The following MEP1B variants were observed in gnomAD, a reference collection of about 807,000 sequenced individuals.
The protein encoded by MEP1B is N-benzoyl-L-tyrosyl-P-amino-benzoic acid hydrolase subunit beta.
A neutral mutation model predicts 84.6 loss-of-function variants in MEP1B; 80 were observed. That is an observed-to-expected ratio of 0.95 (90% CI 0.79 to 1.14). The LOEUF is 1.14. MEP1B is among the 50% of genes most tolerant of loss of function. The probability of loss-of-function intolerance (pLI) is 0.00; values close to 1 mark genes in which losing one functional copy is unlikely to be tolerated. For missense variants in MEP1B, 766 were observed against 855.1 expected, an observed-to-expected ratio of 0.90 and a Z score of 1.30; for synonymous variants, 273 against 288.1, an observed-to-expected ratio of 0.95 and a Z score of 0.53.
chr18:32,209,676 T>A lies in MEP1B; in HGVS notation c.920-825T>A, dbSNP rs57859035. On this transcript the variant is annotated intron_variant, in intron 9 of 14. Transcript: ENST00000269202. ...ATTACAAGTATCATTTTAAAAATAT[T>A]AAAATGTGAATCTCCCCAGATGGTT... Among the ~76,000 whole-genome samples the A allele has an allele frequency of 4.3e-3, 630 of 146,898 alleles. 9 individuals carry two copies. The highest frequency in any genetic ancestry group is 0.015 in the African/African-American group (593 of 39,434).
chr18:32,207,811 C>A (rs73956825), intron 8 of MEP1B, among the ~76,000 whole-genome samples: 219 of 152,282 alleles, frequency 1.4e-3, no homozygotes, highest in African/African-American at 5.1e-3. Flanking sequence ...TGAATGGGAT[C>A]AAATAATCTG....
intron 9 of MEP1B, 117 bp from the exon 10 acceptor site, chr18:32,210,384 C>T (rs926776019): frequency 2.0e-5 from 16 of 817,890 alleles, no homozygotes; most frequent in East Asian, 8.1e-5. Context: ...TTCTCCCTGG[C>T]GATTTATATA....
rs767693229 is a variant in MEP1B at position 32,215,038 on chromosome 18, C to T, written c.1580-44C>T. On this transcript the variant is annotated intron_variant, in intron 11 of 14. Transcript: ENST00000269202. ...TGTTCTTTCCTACCACCAAAAGCTACGATGATGATAAACACACTCCATTAA... is the reference window on the plus strand; with the variant it reads ...TGTTCTTTCCTACCACCAAAAGCTATGATGATGATAAACACACTCCATTAA... 1.8e-5 allele frequency: 25 copies of T among 1,400,540 alleles called. No homozygotes were observed. In the African/African-American group the frequency reaches 2.3e-4, roughly 13 times the overall value. 86.8% of individuals were successfully genotyped at this position (1,400,540 alleles called of 1,614,324 possible). A position where few individuals can be genotyped will look rare whatever the true frequency, so the allele number is the denominator to read the frequency against.
chr18:32,215,798 T>A (rs1221170551), intron 12 of MEP1B, among the ~76,000 whole-genome samples: 1 of 152,098 alleles, frequency 6.6e-6, no homozygotes, highest in Non-Finnish European at 1.5e-5. Context: ...CACTCCAGCC[T>A]GGGCCAAAGA....
chr18:32,214,965 C>T (rs1256120866), intron 11 of MEP1B, 117 bp from the exon 12 acceptor site: 38 of 726,008 alleles, frequency 5.2e-5, no homozygotes, highest in Non-Finnish European at 6.1e-5. Flanking sequence ...AGGTCAATAG[C>T]ATCATTTAAT....
chr18:32,191,796 G>A, intron 1 of MEP1B, 26 bp from the exon 2 acceptor site: 1 of 1,473,482 alleles, frequency 6.8e-7, no homozygotes, highest in Non-Finnish European at 9.3e-7. Flanking sequence ...ATAATAATAT[G>A]TTTTGTTTAT....
At position 32,215,113 on chromosome 18, in the gene MEP1B, T is replaced by C. The variant is rs173032; in HGVS notation, c.1611T>C (p.Ser537=). 0.66 allele frequency: 1,054,696 copies of C among 1,594,124 alleles called. 352,480 individuals are homozygous for C. The highest frequency in any genetic ancestry group is 0.9 in the East Asian group (40,413 of 44,752). The change falls in exon 12 of 15, where the codon TCT becomes TCC. Residue 537 remains serine, a synonymous_variant. Transcript: ENST00000269202. ...GAAACTATTTCTGGGACAGGCCTTC[T>C]AAAGTGGGAACAGTGGCTTTGTTCT... ...DNGNYFWDRP[S]KVGTVALFSN...
chr18:32,195,525 T>A, intron 5 of MEP1B, 40 bp downstream of exon 5: 1 of 1,301,520 alleles, frequency 7.7e-7, no homozygotes. Context: ...TAATGTCTAT[T>A]TCTGACAAAA....
At chr18:32,190,232 T>A (rs1413504010) in intron 1 of MEP1B, 99 bp downstream of exon 1, 1 of 855,718 alleles carries the variant, frequency 1.2e-6, no homozygotes, top group Non-Finnish European at 1.9e-6. Context: ...TTTTTATACA[T>A]CTTGAAATGT....
chr18:32,218,607 A>G (rs2041118138), intron 14 of MEP1B, among the ~76,000 whole-genome samples: 1 of 152,150 alleles, frequency 6.6e-6, no homozygotes, highest in Non-Finnish European at 1.5e-5. Context: ...GGCTCCTGGA[A>G]CACGTATAAT....
At chr18:32,213,792 C>G (rs1034562927) in intron 11 of MEP1B, among the ~76,000 whole-genome samples, 2 of 152,182 alleles carry the variant, frequency 1.3e-5, no homozygotes, top group African/African-American at 2.4e-5. Flanking sequence ...TTCCTAAGAA[C>G]TGATGGCCCT....
At chr18:32,209,255 G>A (rs1476624458) in intron 9 of MEP1B, among the ~76,000 whole-genome samples, 2 of 152,220 alleles carry the variant, frequency 1.3e-5, no homozygotes, top group African/African-American at 4.8e-5. Flanking sequence ...GGGAGGCCAA[G>A]GTGGGCGGAT....
chr18:32,216,868 TAAA>T, intron 12 of MEP1B, 120 bp from the exon 13 acceptor site: 19 of 960,580 alleles, frequency 2.0e-5, no homozygotes, highest in Non-Finnish European at 2.1e-5. Context: ...ATCTCACCTC[TAAA>T]AAAAAAAAAG....
chr18:32,201,094 CTTTA>C (rs1251746639), intron 5 of MEP1B, among the ~76,000 whole-genome samples: 2 of 152,044 alleles, frequency 1.3e-5, no homozygotes, highest in Non-Finnish European at 2.9e-5. Flanking sequence ...TCACGTGTTA[CTTTA>C]TTTATTAATT....
intron 7 of MEP1B, among the ~76,000 whole-genome samples, chr18:32,206,235 A>G (rs1568268883): frequency 6.6e-6 from 1 of 152,154 alleles, no homozygotes; most frequent in African/African-American, 2.4e-5. Context: ...CTATTCCAGT[A>G]ACCATGAATT....
chr18:32,220,392 G>T lies in MEP1B; in HGVS notation c.*147G>T. 2 of 761,278 alleles carry T rather than the reference G, an allele frequency of 2.6e-6. No homozygotes were observed. The highest frequency in any genetic ancestry group is 2.7e-5 in the East Asian group (1 of 36,664). The allele number at this position is 761,278 out of a possible 1,614,324, so 47.2% of individuals were successfully genotyped here. ...TGGAAATATTATAAATCACTATTTT[G>T]GTCAAAGTCAAATTGGTGAAATGCT... On this transcript the variant is annotated 3_prime_UTR_variant, in exon 15 of 15. Coordinates refer to ENST00000269202, the MANE Select transcript of MEP1B (RefSeq NM_005925.3).
chr18:32,218,577 G>C (rs9945189), intron 14 of MEP1B, among the ~76,000 whole-genome samples: 1 of 152,260 alleles, frequency 6.6e-6, no homozygotes, highest in Non-Finnish European at 1.5e-5. Context: ...ATATTTGTAC[G>C]CAGGAGGTTT....
In MEP1B at chr18:32,204,237, G is replaced by A. The variant is rs890686096; in HGVS notation, c.424G>A (p.Ala142Thr). ...TGGGAAGCAAGAACTTTCCATCGGG[G>A]CAAACTGTGACCGAATAGCAACAGT... ...RVGKQELSIG[A>T]NCDRIATVQH... Residue 142 changes from alanine to threonine, a missense_variant, in exon 7 of 15, where the codon GCA (alanine) becomes ACA (threonine). Transcript: ENST00000269202. 3.1e-6 allele frequency: 5 copies of A among 1,605,230 alleles called. No homozygotes were observed. Among genetic ancestry groups the A allele is most frequent in the South Asian group, 1.1e-5 (1 of 89,056 alleles).
intron 5 of MEP1B, among the ~76,000 whole-genome samples, chr18:32,199,621 A>T (rs2040888703): frequency 6.6e-6 from 1 of 151,978 alleles, no homozygotes; most frequent in African/African-American, 2.4e-5. Flanking sequence ...TGATTAAAAA[A>T]TTTTTAAGTT....
Sources: allele counts gnomAD v4.1 joint callset (sites outside exome capture counted in the v4.1 genomes callset), GRCh38; gene constraint gnomAD v4.1.1; transcripts MANE v1.5; gene names NCBI Gene and HGNC (gene_info 2026-07-23, HGNC 2026-07-21).